Variants in ZNF469 observed in about 807,000 individuals in gnomAD.
ZNF469 encodes zinc finger protein 469.
Under a neutral mutation model 1.0 loss-of-function variants are expected in ZNF469, and 1 was observed. The observed-to-expected ratio is 1.00, with a 90% CI of 0.35 to 4.73. The LOEUF (loss-of-function observed/expected upper bound fraction) is 4.73. Ranked by LOEUF, ZNF469 falls within the 30% of genes most tolerant of loss-of-function variation. The pLI is 0.16. For missense variants in ZNF469, 6,100 were observed against 5,356.3 expected, an observed-to-expected ratio of 1.14 and a Z score of -4.33; for synonymous variants, 2,703 against 2,363.4, an observed-to-expected ratio of 1.14 and a Z score of -4.17.
chr16:88,138,685 C>T, the ZNF469 span, among the ~76,000 whole-genome samples: 949 of 152,316 alleles, frequency 6.2e-3, 4 homozygotes, highest in Non-Finnish European at 0.011. Context: ...TGACCAAATT[C>T]ACCTCTTCCT....
chr16:88,173,943 C>T, the ZNF469 span, among the ~76,000 whole-genome samples: 1 of 152,154 alleles, frequency 6.6e-6, no homozygotes, highest in East Asian at 1.9e-4. Context: ...AAAGAAAGAA[C>T]AGATGGAGGC....
chr16:88,127,354 C>T, the ZNF469 span, among the ~76,000 whole-genome samples: 1 of 152,222 alleles, frequency 6.6e-6, no homozygotes, highest in African/African-American at 2.4e-5. Flanking sequence ...CAACGAATCC[C>T]TGGCTTCCAG....
At chr16:88,230,914 G>T in the ZNF469 span, among the ~76,000 whole-genome samples, 2 of 152,170 alleles carry the variant, frequency 1.3e-5, no homozygotes, top group Non-Finnish European at 2.9e-5. Flanking sequence ...CAGCATGCTG[G>T]GGACGGTGAG....
the ZNF469 span, among the ~76,000 whole-genome samples, chr16:88,350,940 T>C: frequency 5.9e-5 from 9 of 152,356 alleles, no homozygotes; most frequent in East Asian, 1.2e-3. Flanking sequence ...GAGAGTGATT[T>C]TGGACCCTGA....
intron 1 of ZNF469, among the ~76,000 whole-genome samples, chr16:88,385,259 G>C (rs557665754): frequency 2.2e-4 from 34 of 152,148 alleles, no homozygotes; most frequent in South Asian, 8.3e-4. Flanking sequence ...TAGTGCCCTA[G>C]ATATCAGGCC....
At chr16:88,405,930 A>G (rs1905017774) in intron 1 of ZNF469, among the ~76,000 whole-genome samples, 1 of 152,184 alleles carries the variant, frequency 6.6e-6, no homozygotes, top group African/African-American at 2.4e-5. Flanking sequence ...AAACACACAC[A>G]CACACACATC....
At chr16:88,344,500 G>T in the ZNF469 span, among the ~76,000 whole-genome samples, 1 of 152,232 alleles carries the variant, frequency 6.6e-6, no homozygotes. Context: ...CACAGGGCCT[G>T]AGGCAGGTGC....
chr16:88,354,995 C>T, the ZNF469 span, among the ~76,000 whole-genome samples: 6 of 152,180 alleles, frequency 3.9e-5, no homozygotes, highest in East Asian at 3.9e-4. Flanking sequence ...GCCCTTGTCC[C>T]CGCTAGGGGA....
the ZNF469 span, among the ~76,000 whole-genome samples, chr16:88,200,238 A>G: frequency 6.6e-6 from 1 of 152,194 alleles, no homozygotes; most frequent in African/African-American, 2.4e-5. Flanking sequence ...AGCAGGAGCC[A>G]GCGGGTGAAG....
the ZNF469 span, among the ~76,000 whole-genome samples, chr16:88,309,216 G>C: frequency 6.6e-6 from 1 of 152,256 alleles, no homozygotes; most frequent in African/African-American, 2.4e-5. Flanking sequence ...CCTCATAAGT[G>C]TCACAGCCTG....
At chr16:88,359,892 C>G in the ZNF469 span, among the ~76,000 whole-genome samples, 1 of 152,212 alleles carries the variant, frequency 6.6e-6, no homozygotes, top group African/African-American at 2.4e-5. Context: ...TTCTATCTAT[C>G]AGTTCATCTT....
the ZNF469 span, among the ~76,000 whole-genome samples, chr16:88,282,363 C>T: frequency 1.9e-4 from 29 of 152,194 alleles, no homozygotes; most frequent in African/African-American, 5.8e-4. Flanking sequence ...GAGTGGCAGC[C>T]GCCTGGTGCT....
At chr16:88,283,342 G>A in the ZNF469 span, among the ~76,000 whole-genome samples, 1 of 151,374 alleles carries the variant, frequency 6.6e-6, no homozygotes, top group South Asian at 2.1e-4. Flanking sequence ...TCTGGTTAAC[G>A]CAGTACACCC....
At chr16:88,122,210 C>T in the ZNF469 span, among the ~76,000 whole-genome samples, 7 of 147,650 alleles carry the variant, frequency 4.7e-5, no homozygotes, top group Middle Eastern at 3.4e-3. Context: ...AATAGGGCCA[C>T]GGCAGCCACT....
the ZNF469 span, among the ~76,000 whole-genome samples, chr16:88,188,730 G>A: frequency 1.3e-5 from 2 of 152,212 alleles, no homozygotes; most frequent in Non-Finnish European, 2.9e-5. Flanking sequence ...AGCTGCCCCT[G>A]TAGCTCTCGG....
the ZNF469 span, among the ~76,000 whole-genome samples, chr16:88,305,377 T>C: frequency 0.99 from 139,075 of 140,942 alleles, 68,610 homozygotes; most frequent in Non-Finnish European, 0.99. Context: ...GGCACACGCA[T>C]GCACACCCTC....
the ZNF469 span, among the ~76,000 whole-genome samples, chr16:88,189,041 A>G: frequency 6.6e-6 from 1 of 151,886 alleles, no homozygotes; most frequent in Non-Finnish European, 1.5e-5. This position sits in a 1 kb window ranked among gnomAD's most constrained non-coding sequence, Gnocchi z 4.3. Context: ...AATGTTCCCC[A>G]ATGAGGGGAG....
At chr16:88,212,139 A>G in the ZNF469 span, among the ~76,000 whole-genome samples, 1 of 152,136 alleles carries the variant, frequency 6.6e-6, no homozygotes, top group African/African-American at 2.4e-5. Flanking sequence ...GGAGGACCCA[A>G]GCATTTTTTT....
At position 88,431,283 on chromosome 16, in the gene ZNF469, C is replaced by G; in HGVS notation, c.3813C>G (p.Ser1271Arg). Residue 1271 changes from serine (S) to arginine (R), a missense_variant, in exon 3 of 3, where the codon AGC becomes AGG. Ser to Arg is a moderately radical substitution (Grantham distance 110, BLOSUM62 -1). Transcript: ENST00000565624. Reference protein sequence around the residue: ...GLLIPEQPPPSRHDTGTPKPS... With the variant: ...GLLIPEQPPPRRHDTGTPKPS... Reference sequence around the variant, plus strand: ...TGATACCAGAGCAGCCGCCGCCCAGCAGACATGACACCGGCACCCCCAAGC... The same window carrying G: ...TGATACCAGAGCAGCCGCCGCCCAGGAGACATGACACCGGCACCCCCAAGC... 6.5e-7 allele frequency: 1 copy of G among 1,550,304 alleles called. No homozygotes were observed. The highest frequency in any genetic ancestry group is 8.7e-7 in the Non-Finnish European group (1 of 1,146,964).
Sources: allele counts gnomAD v4.1 joint callset (sites outside exome capture counted in the v4.1 genomes callset), GRCh38; gene constraint gnomAD v4.1.1; non-coding constraint Gnocchi (gnomAD v3.1); transcripts MANE v1.5; gene names NCBI Gene and HGNC (gene_info 2026-07-23, HGNC 2026-07-21).